Variants in DPYD observed in about 807,000 individuals in gnomAD.
DPYD encodes the protein dihydropyrimidine dehydrogenase, also known as dihydropyrimidine dehydrogenase [NADP(+)].
A neutral mutation model predicts 116.2 loss-of-function variants in DPYD; 109 were observed. That is an observed-to-expected ratio of 0.94 (90% CI 0.80 to 1.10). The LOEUF (loss-of-function observed/expected upper bound fraction) is 1.10. Ranked by LOEUF, DPYD falls within the 50% of genes least tolerant of loss-of-function variation. The probability of loss-of-function intolerance (pLI) is 0.00; values close to 1 mark genes in which losing one functional copy is unlikely to be tolerated. For synonymous variants in DPYD, 440 were observed against 432.0 expected, an observed-to-expected ratio of 1.02 and a Z score of -0.23; for missense variants, 1,302 against 1,254.5, an observed-to-expected ratio of 1.04 and a Z score of -0.57.
rs200296941 is a variant in DPYD at position 97,450,063 on chromosome 1, T to C, written c.1901A>G (p.Asp634Gly). Residue 634 changes from aspartate to glycine, a missense_variant, in exon 14 of 23, where the codon GAC (aspartate) becomes GGC (glycine). Transcript: ENST00000370192. ...SVTELKADFP[D>G]NIVIASIMCS... ...TAGATGTTAAATCACACTTACGTTG[T>C]CTGGAAAGTCAGCCTTTAGTTCAGT... 2.7e-5 allele frequency: 43 copies of C among 1,613,906 alleles called. No homozygotes were observed. The highest frequency in any genetic ancestry group is 3.2e-5 in the Non-Finnish European group (38 of 1,179,828).
chr1:97,694,256 G>A (rs1326428021), intron 6 of DPYD, among the ~76,000 whole-genome samples: 2 of 152,214 alleles, frequency 1.3e-5, no homozygotes, highest in East Asian at 1.9e-4. Flanking sequence ...TTACAGTCAA[G>A]TAGGTAGGGG....
intron 3 of DPYD, among the ~76,000 whole-genome samples, chr1:97,805,186 T>C (rs1397315846): frequency 6.6e-6 from 1 of 151,808 alleles, no homozygotes; most frequent in Non-Finnish European, 1.5e-5. Context: ...TCTGAAGTTT[T>C]TGAAGAACAA....
chr1:97,904,986 T>C (rs1221076371), intron 1 of DPYD, among the ~76,000 whole-genome samples: 1 of 152,020 alleles, frequency 6.6e-6, no homozygotes, highest in East Asian at 1.9e-4. Context: ...TCCAGGAAAG[T>C]TGACTTACAC....
At chr1:97,688,059 G>A (rs766104651) in intron 7 of DPYD, among the ~76,000 whole-genome samples, 1 of 152,090 alleles carries the variant, frequency 6.6e-6, no homozygotes, top group Non-Finnish European at 1.5e-5. Flanking sequence ...GATAGGTGCA[G>A]CAAACCACCA....
At chr1:97,199,444 A>C (rs917252697) in intron 19 of DPYD, among the ~76,000 whole-genome samples, 3 of 152,190 alleles carry the variant, frequency 2.0e-5, no homozygotes, top group African/African-American at 7.2e-5. Flanking sequence ...CTAAAAGGCA[A>C]CATACTTAAG....
chr1:97,210,036 A>G (rs1252650198), intron 19 of DPYD, among the ~76,000 whole-genome samples: 4 of 152,152 alleles, frequency 2.6e-5, no homozygotes, highest in Admixed American at 2.0e-4. Flanking sequence ...ATAGGGGAAG[A>G]GAAATGTTTA....
intron 20 of DPYD, among the ~76,000 whole-genome samples, chr1:97,121,099 G>A (rs916787367): frequency 6.6e-6 from 1 of 152,090 alleles, no homozygotes; most frequent in Non-Finnish European, 1.5e-5. Flanking sequence ...ATTTACTCTG[G>A]GAATGATGCT....
chr1:97,838,303 T>A (rs982030398), intron 2 of DPYD, among the ~76,000 whole-genome samples: 1 of 152,192 alleles, frequency 6.6e-6, no homozygotes, highest in African/African-American at 2.4e-5. Context: ...TCAGGTTTAT[T>A]ATATAAACCA....
intron 14 of DPYD, among the ~76,000 whole-genome samples, chr1:97,428,855 A>C (rs944367186): frequency 5.3e-5 from 8 of 152,030 alleles, no homozygotes; most frequent in African/African-American, 1.7e-4. Flanking sequence ...CAAAATGTGA[A>C]TATGATTATG....
intron 8 of DPYD, among the ~76,000 whole-genome samples, chr1:97,642,338 A>G (rs1444780801): frequency 6.6e-6 from 1 of 152,112 alleles, no homozygotes; most frequent in Non-Finnish European, 1.5e-5. Flanking sequence ...CTGACTTCAA[A>G]CTATACTACA....
intron 14 of DPYD, among the ~76,000 whole-genome samples, chr1:97,392,373 T>C (rs148162774): frequency 2.0e-5 from 3 of 151,926 alleles, no homozygotes; most frequent in South Asian, 2.1e-4. Context: ...TTTTTTTTTC[T>C]AGATAGGGTC....
intron 14 of DPYD, among the ~76,000 whole-genome samples, chr1:97,405,070 T>C (rs1214853398): frequency 2.2e-4 from 33 of 152,042 alleles, no homozygotes; most frequent in Admixed American, 2.1e-3. Context: ...CATCTTATAA[T>C]AAAAAAATCA....
intron 8 of DPYD, among the ~76,000 whole-genome samples, chr1:97,610,071 G>A (rs2100745455): frequency 6.6e-6 from 1 of 152,078 alleles, no homozygotes; most frequent in East Asian, 1.9e-4. Context: ...TTTGGCCTAT[G>A]TTAAATCAAC....
chr1:97,570,663 C>A (rs2811216), intron 11 of DPYD, among the ~76,000 whole-genome samples: 3 of 151,138 alleles, frequency 2.0e-5, no homozygotes, highest in African/African-American at 4.8e-5. Flanking sequence ...GTACCATTTG[C>A]AATAATAGTG....
intron 19 of DPYD, among the ~76,000 whole-genome samples, chr1:97,222,541 T>C (rs1291878119): frequency 6.6e-6 from 1 of 152,094 alleles, no homozygotes; most frequent in African/African-American, 2.4e-5. Flanking sequence ...ATAAACAACA[T>C]TTGTTGCACT....
rs575000263 is a variant in DPYD, at chr1:97,216,044, C to T, written c.2442+18808G>A. ...GCTACTGATAAGTGATTTTTACTTT[C>T]CTGCTTTTTTGTGTGTGCTTTTATT... On this transcript the variant is annotated intron_variant, in intron 19 of 22. Transcript: ENST00000370192. Among the ~76,000 whole-genome samples, 391 of 152,230 alleles carry T rather than the reference C, an allele frequency of 2.6e-3. 1 individual carries two copies. Among genetic ancestry groups the T allele is most frequent in the Non-Finnish European group, 3.6e-3 (247 of 68,008 alleles).
intron 3 of DPYD, among the ~76,000 whole-genome samples, chr1:97,781,279 T>G (rs547987643): frequency 3.0e-4 from 46 of 152,348 alleles, no homozygotes; most frequent in African/African-American, 1.0e-3. Context: ...ATACTTTTGG[T>G]ACAAAAATTA....
intron 2 of DPYD, among the ~76,000 whole-genome samples, chr1:97,875,929 G>C (rs1435527347): frequency 6.6e-6 from 1 of 151,936 alleles, no homozygotes; most frequent in African/African-American, 2.4e-5. Flanking sequence ...TAAAATGTAT[G>C]TATGCCATTT....
At chr1:97,357,359 T>C (rs1670476866) in intron 16 of DPYD, among the ~76,000 whole-genome samples, 1 of 150,800 alleles carries the variant, frequency 6.6e-6, no homozygotes, top group African/African-American at 2.4e-5. Context: ...ATTTATTAGT[T>C]CTAACAGTGT....
Sources: gnomAD v4.1 joint callset for allele counts (sites outside exome capture counted in the v4.1 genomes callset) on GRCh38, gnomAD v4.1.1 for gene constraint, MANE v1.5 for transcripts, NCBI Gene and HGNC (gene_info 2026-07-23, HGNC 2026-07-21) for gene names.